Variants in JAKMIP3 observed in about 807,000 individuals in gnomAD.
The protein encoded by JAKMIP3 is janus kinase and microtubule-interacting protein 3.
In JAKMIP3, 58 loss-of-function variants were observed where a neutral mutation model predicts 118.5. The observed-to-expected ratio is 0.49, with a 90% CI of 0.40 to 0.61. The LOEUF (loss-of-function observed/expected upper bound fraction) is 0.61, where lower values mean the gene tolerates loss of function less well. JAKMIP3 is among the 20% of genes least tolerant of loss of function. The pLI, the probability that JAKMIP3 is intolerant of heterozygous loss-of-function variation, is 0.00. For synonymous variants in JAKMIP3, 486 were observed against 451.2 expected (o/e 1.08, Z -0.98); for missense variants, 950 against 1,109.0 (o/e 0.86, Z 2.04).
chr10:132,105,942 T>C (rs1351899610), intron 2 of JAKMIP3, among the ~76,000 whole-genome samples: 2 of 152,114 alleles, frequency 1.3e-5, no homozygotes, highest in African/African-American at 4.8e-5. Context: ...TTGCTTAACC[T>C]CTGACTTATT....
At chr10:132,085,632 C>T (rs2042302196) in intron 1 of JAKMIP3, among the ~76,000 whole-genome samples, 1 of 152,008 alleles carries the variant, frequency 6.6e-6, no homozygotes, top group Non-Finnish European at 1.5e-5. Context: ...TCCCGAGTAG[C>T]TGGGACTACC....
intron 23 of JAKMIP3, among the ~76,000 whole-genome samples, chr10:132,177,570 C>T (rs1021751516): frequency 2.1e-5 from 3 of 141,960 alleles, no homozygotes; most frequent in African/African-American, 8.1e-5. Context: ...TGCGCACCTG[C>T]TCCTGTGCCC....
intron 14 of JAKMIP3, among the ~76,000 whole-genome samples, 163 bp from the exon 15 acceptor site, chr10:132,149,249 G>A (rs529249295): frequency 4.0e-4 from 61 of 152,044 alleles, no homozygotes; most frequent in Non-Finnish European, 8.2e-4. Context: ...CAGGTCCAGT[G>A]CAGATTCTGC....
At chr10:132,177,382 C>T (rs2060236941) in intron 23 of JAKMIP3, among the ~76,000 whole-genome samples, 1 of 152,212 alleles carries the variant, frequency 6.6e-6, no homozygotes, top group Admixed American at 6.5e-5. Flanking sequence ...GCACACATGC[C>T]AGTGTGTGGG....
chr10:132,080,503 ATTTTTTT>A lies in JAKMIP3; in HGVS notation c.-138+14472_-138+14478del, dbSNP rs201838731. Among the ~76,000 whole-genome samples, 111 of 61,540 alleles carry A rather than the reference ATTTTTTT, an allele frequency of 1.8e-3. 1 individual carries two copies. Among genetic ancestry groups the A allele is most frequent in the African/African-American group, 6.7e-3 (95 of 14,226 alleles). 40.4% of individuals were successfully genotyped at this position (61,540 alleles called of 152,430 possible). On this transcript the variant is annotated intron_variant, in intron 1 of 23. Coordinates refer to ENST00000684848, the MANE Select transcript of JAKMIP3 (RefSeq NM_001323087.2). Reference sequence around the variant, plus strand: ...TATTTTCTTGCTGTCAAGTTATAGGATTTTTTTTTTTTTTTTTTTTTTTTTTTTTTTT... The same window carrying A: ...TATTTTCTTGCTGTCAAGTTATAGGATTTTTTTTTTTTTTTTTTTTTTTTT...
chr10:132,126,926 T>TA (rs758199023), intron 3 of JAKMIP3, among the ~76,000 whole-genome samples: 1 of 152,200 alleles, frequency 6.6e-6, no homozygotes, highest in Non-Finnish European at 1.5e-5. Context: ...TGCCAAGTTA[T>TA]GGTATCTAGA....
At chr10:132,060,576 A>G (rs915219377), upstream of JAKMIP3, among the ~76,000 whole-genome samples, 3 of 152,244 alleles carry the variant, frequency 2.0e-5, no homozygotes, top group Non-Finnish European at 4.4e-5. Context: ...GGTGCAGGCT[A>G]TCTCGCATGA....
At chr10:132,180,598 C>T (rs868665524) in intron 23 of JAKMIP3, among the ~76,000 whole-genome samples, 1,863 of 7,294 alleles carry the variant, frequency 0.26, 486 homozygotes, top group African/African-American at 0.4. Flanking sequence ...TGTGTGTGTG[C>T]GTGCGCGTGT....
intron 1 of JAKMIP3, among the ~76,000 whole-genome samples, chr10:132,103,552 C>T (rs1262576629): frequency 6.6e-6 from 1 of 151,698 alleles, no homozygotes; most frequent in Non-Finnish European, 1.5e-5. Context: ...AGGGGAGGTG[C>T]CTGGCAGCAC....
rs191504590 is a variant in JAKMIP3, at chr10:132,056,903, A to T, written c.-138+20165A>T. On this transcript the variant is annotated intron_variant, in intron 1 of 23. Transcript: ENST00000657785. ...GTCCAGCTCCCACCCAGTGGTCCAGATCCCATCCAGGGGTCAGAGGTCCAG... is the reference window on the plus strand; with the variant it reads ...GTCCAGCTCCCACCCAGTGGTCCAGTTCCCATCCAGGGGTCAGAGGTCCAG... 1.7e-3 allele frequency among the ~76,000 whole-genome samples: 258 copies of T among 152,124 alleles called. 2 individuals carry two copies. Among genetic ancestry groups the T allele is most frequent in the African/African-American group, 5.8e-3 (242 of 41,508 alleles).
At chr10:132,155,517 G>A (rs1280807902) in intron 19 of JAKMIP3, among the ~76,000 whole-genome samples, 1 of 152,202 alleles carries the variant, frequency 6.6e-6, no homozygotes, top group Non-Finnish European at 1.5e-5. Flanking sequence ...GCAAAGAACA[G>A]CCACACCAGG....
intron 2 of JAKMIP3, among the ~76,000 whole-genome samples, chr10:132,106,674 GC>G (rs1404090218): frequency 1.3e-5 from 2 of 152,210 alleles, no homozygotes; most frequent in Non-Finnish European, 2.9e-5. Context: ...AGGCCCAGAG[GC>G]CCCGACTCGC....
At chr10:132,139,419 T>TGC (rs571137051) in intron 9 of JAKMIP3, among the ~76,000 whole-genome samples, 88 of 91,968 alleles carry the variant, frequency 9.6e-4, no homozygotes, top group East Asian at 4.4e-3. Flanking sequence ...TGTGTGAGTG[T>TGC]GTGTGTGTGT....
chr10:132,060,307 G>T (rs1261484881), upstream of JAKMIP3, among the ~76,000 whole-genome samples: 1 of 152,154 alleles, frequency 6.6e-6, no homozygotes, highest in Non-Finnish European at 1.5e-5. Context: ...TGAGATGGGG[G>T]CCAGGCAGGT....
chr10:132,050,905 C>A (rs2038080276), intron 1 of JAKMIP3, among the ~76,000 whole-genome samples: 1 of 151,664 alleles, frequency 6.6e-6, no homozygotes, highest in Middle Eastern at 3.2e-3. Context: ...TCTTTCCTGG[C>A]ACGGTTGGTC....
At chr10:132,159,631 T>TTGTGATGCTGGGGGGCCTCTCCCTG in intron 19 of JAKMIP3, among the ~76,000 whole-genome samples, 1 of 63,850 alleles carries the variant, frequency 1.6e-5, no homozygotes, top group Non-Finnish European at 3.0e-5. Flanking sequence ...TCCTCTTCCT[T>TTGTGATGCTGGGGGGCCTCTCCCTG]TGTGATGCTG....
At chr10:132,157,811 A>G (rs77192253) in intron 19 of JAKMIP3, among the ~76,000 whole-genome samples, 3,955 of 152,240 alleles carry the variant, frequency 0.026, 169 homozygotes, top group African/African-American at 0.091. Context: ...AGTCAGAAGA[A>G]TGGGACATGG....
At chr10:132,150,676 C>T (rs1420358424) in intron 16 of JAKMIP3, among the ~76,000 whole-genome samples, 3 of 146,172 alleles carry the variant, frequency 2.1e-5, no homozygotes, top group African/African-American at 5.2e-5. Context: ...CCATCCTCCA[C>T]AATTCATTTA....
At chr10:132,172,229 A>G (rs1369941535) in intron 23 of JAKMIP3, among the ~76,000 whole-genome samples, 2 of 152,044 alleles carry the variant, frequency 1.3e-5, no homozygotes, top group Non-Finnish European at 2.9e-5. Context: ...CCGTGGAGAT[A>G]ATGCATCTGG....
Sources: gnomAD v4.1 joint callset for allele counts (sites outside exome capture counted in the v4.1 genomes callset) on GRCh38, gnomAD v4.1.1 for gene constraint, MANE v1.5 for transcripts, NCBI Gene and HGNC (gene_info 2026-07-23, HGNC 2026-07-21) for gene names.